Variants in NIPBL observed in about 807,000 individuals in gnomAD.
The protein encoded by NIPBL is nipped-B-like protein.
A neutral mutation model predicts 321.8 loss-of-function variants in NIPBL; 19 were observed. That is an observed-to-expected ratio of 0.06 (90% CI 0.04 to 0.09). NIPBL has a LOEUF of 0.09. Among genes scored for constraint, NIPBL ranks in the 10% least tolerant of loss-of-function variants. NIPBL has a pLI of 1.00. For missense variants in NIPBL, 2,210 were observed against 3,327.0 expected (o/e 0.66, Z 8.26); for synonymous variants, 1,106 against 1,114.1 (o/e 0.99, Z 0.14).
chr5:36,943,078 T>C (rs1399502706), intron 1 of NIPBL, among the ~76,000 whole-genome samples: 4 of 152,180 alleles, frequency 2.6e-5, no homozygotes, highest in Non-Finnish European at 4.4e-5. Flanking sequence ...TATTGTCATA[T>C]TGTTTTTTCT....
intron 1 of NIPBL, among the ~76,000 whole-genome samples, chr5:36,952,520 G>C (rs991953170): frequency 6.6e-5 from 10 of 152,030 alleles, no homozygotes; most frequent in African/African-American, 2.4e-4. Flanking sequence ...GACTTACCAA[G>C]TACTGTTAAA....
At position 37,055,356 on chromosome 5, in the gene NIPBL, T is replaced by TAAAA. The variant is rs57488198; in HGVS notation, c.7264-1815_7264-1812dup. Among the ~76,000 whole-genome samples the TAAAA allele has an allele frequency of 1.4e-3, 115 of 84,628 alleles. 1 individual carries two copies. The highest frequency in any genetic ancestry group is 3.8e-3 in the African/African-American group (106 of 27,550). The allele number at this position is 84,628 out of a possible 152,430, so 55.5% of individuals were successfully genotyped here. A position where few individuals can be genotyped will look rare whatever the true frequency, so the allele number is the denominator to read the frequency against. ...ACAGAGCGAGACTCCATCTCAACAG[T>TAAAA]AAAAAAAAAAAAAAAAAAGAATGGA... On this transcript the variant is annotated intron_variant, in intron 42 of 46. Transcript: ENST00000282516.
chr5:36,901,292 C>T (rs1257280823), intron 1 of NIPBL, among the ~76,000 whole-genome samples: 1 of 152,112 alleles, frequency 6.6e-6, no homozygotes, highest in Admixed American at 6.6e-5. Context: ...TTTTTTATGG[C>T]TACATAGTAT....
At chr5:37,030,173 A>ATTCTTACTT (rs1750807254) in intron 32 of NIPBL, among the ~76,000 whole-genome samples, 1 of 152,202 alleles carries the variant, frequency 6.6e-6, no homozygotes, top group Non-Finnish European at 1.5e-5. Flanking sequence ...TAACAATGAT[A>ATTCTTACTT]GTTTTACTTG....
At chr5:37,038,482 A>T (rs1751969054) in intron 33 of NIPBL, 120 bp from the exon 34 acceptor site, 1 of 745,028 alleles carries the variant, frequency 1.3e-6, no homozygotes. Context: ...CTAATTCATT[A>T]TATTGAGGCC....
intron 3 of NIPBL, among the ~76,000 whole-genome samples, chr5:36,955,862 A>G (rs1377177983): frequency 6.6e-6 from 1 of 152,048 alleles, no homozygotes; most frequent in African/African-American, 2.4e-5. Flanking sequence ...AGCTCTATGG[A>G]TATTTTTTCA....
intron 1 of NIPBL, among the ~76,000 whole-genome samples, chr5:36,951,198 T>TTC (rs1396365054): frequency 6.6e-6 from 1 of 152,184 alleles, no homozygotes; most frequent in Non-Finnish European, 1.5e-5. Flanking sequence ...TTTATTAATC[T>TTC]TCTAGTTCAT....
chr5:37,017,952 T>A (rs558752078), intron 24 of NIPBL, among the ~76,000 whole-genome samples: 51 of 152,246 alleles, frequency 3.3e-4, no homozygotes, highest in Non-Finnish European at 5.7e-4. Flanking sequence ...CATTTTTTTT[T>A]AAATTTTGTT....
chr5:37,027,160 A>G (rs1750376757), intron 31 of NIPBL, among the ~76,000 whole-genome samples, 199 bp from the exon 32 acceptor site: 1 of 152,294 alleles, frequency 6.6e-6, no homozygotes, highest in African/African-American at 2.4e-5. Context: ...TAATTTCTTC[A>G]ATGTTTTCCA....
chr5:36,876,841 CCT>C lies in NIPBL; in HGVS notation c.-415_-414del. On this transcript the variant is annotated 5_prime_UTR_variant, in exon 1 of 47. Coordinates refer to ENST00000282516, the MANE Select transcript of NIPBL (RefSeq NM_133433.4). ...GGCTCCTTCCCCCCGCCCTCCCCCC[CCT>C]CCCTCCGTCGGTACCGACTCACCCG... 25 of 387,356 alleles carry C rather than the reference CCT, an allele frequency of 6.5e-5. No homozygotes were observed. The highest frequency in any genetic ancestry group is 5.2e-4 in the East Asian group (14 of 27,152). 24.0% of individuals were successfully genotyped at this position (387,356 alleles called of 1,614,324 possible). A position where few individuals can be genotyped will look rare whatever the true frequency, so the allele number is the denominator to read the frequency against.
intron 1 of NIPBL, among the ~76,000 whole-genome samples, chr5:36,941,487 T>G (rs1016763123): frequency 1.4e-5 from 2 of 146,348 alleles, no homozygotes; most frequent in African/African-American, 5.1e-5. Context: ...TGAGTTAATA[T>G]CCTAAGACGT....
chr5:37,006,267 C>G lies in NIPBL; in HGVS notation c.3856-90C>G, dbSNP rs573591235. The stretch of plus-strand genomic sequence containing the variant: ...AATTAACACACATCATAACACTTTT[C>G]CACCAGTGAAAATCAAATCATAATT... On this transcript the variant is annotated intron_variant, in intron 16 of 46. Transcript: ENST00000282516. 33 of 770,628 alleles carry G rather than the reference C, an allele frequency of 4.3e-5. No homozygotes were observed. The East Asian group carries it at 6.4e-4, about 15-fold the overall frequency. The allele number at this position is 770,628 out of a possible 1,614,324, so 47.7% of individuals were successfully genotyped here.
intron 1 of NIPBL, among the ~76,000 whole-genome samples, chr5:36,907,430 A>G (rs568473441): frequency 6.6e-6 from 1 of 152,300 alleles, no homozygotes; most frequent in African/African-American, 2.4e-5. Context: ...AAAGTTACGT[A>G]GATACCAGAA....
At chr5:36,909,277 A>G (rs1438184269) in intron 1 of NIPBL, among the ~76,000 whole-genome samples, 5 of 152,202 alleles carry the variant, frequency 3.3e-5, no homozygotes, top group African/African-American at 9.7e-5. Context: ...AGCTCTTTCT[A>G]AAATAGGTTA....
At position 36,970,917 on chromosome 5, in the gene NIPBL, A is replaced by G; in HGVS notation, c.652A>G (p.Ile218Val). 6.2e-7 allele frequency: 1 copy of G among 1,613,678 alleles called. No homozygotes were observed. The highest frequency in any genetic ancestry group is 8.5e-7 in the Non-Finnish European group (1 of 1,179,636). ...CATTGTTGCAGGTGGTTTGAGAAACATACATGATAATAAAGTTTCTGGTCC... is the reference window on the plus strand; with the variant it reads ...CATTGTTGCAGGTGGTTTGAGAAACGTACATGATAATAAAGTTTCTGGTCC... ...SPIVAGGLRN[I>V]HDNKVSGPLS... The change falls in exon 7 of 47, where the codon ATA becomes GTA. Residue 218 changes from isoleucine (I) to valine (V), a missense_variant. Coordinates refer to ENST00000282516, the MANE Select transcript of NIPBL (RefSeq NM_133433.4).
chr5:36,978,925 C>T (rs989905929), intron 9 of NIPBL, among the ~76,000 whole-genome samples: 2 of 151,936 alleles, frequency 1.3e-5, no homozygotes, highest in African/African-American at 4.8e-5. Context: ...TCTGGGTTCT[C>T]TATCCTGTTC....
intron 1 of NIPBL, among the ~76,000 whole-genome samples, chr5:36,884,451 A>G (rs145821981): frequency 6.6e-6 from 1 of 152,334 alleles, no homozygotes; most frequent in African/African-American, 2.4e-5. Flanking sequence ...CAAGGACCAG[A>G]AATTTTTTCT....
chr5:36,918,006 G>A (rs567688805), intron 1 of NIPBL, among the ~76,000 whole-genome samples: 7 of 152,204 alleles, frequency 4.6e-5, no homozygotes, highest in East Asian at 3.9e-4. Flanking sequence ...TGGCAATGTG[G>A]GCTCTTTTTT....
At chr5:36,970,333 C>G (rs942142070) in intron 6 of NIPBL, among the ~76,000 whole-genome samples, 1 of 150,950 alleles carries the variant, frequency 6.6e-6, no homozygotes, top group African/African-American at 2.4e-5. Flanking sequence ...TTACAGTGAG[C>G]TATGATCATG....
Sources: gnomAD v4.1 joint callset for allele counts (sites outside exome capture counted in the v4.1 genomes callset) on GRCh38, gnomAD v4.1.1 for gene constraint, MANE v1.5 for transcripts, NCBI Gene and HGNC (gene_info 2026-07-23, HGNC 2026-07-21) for gene names.